Variants in GSE1 observed in about 807,000 individuals in gnomAD.
GSE1 encodes genetic suppressor element 1.
Under a neutral mutation model 112.6 loss-of-function variants are expected in GSE1, and 32 were observed. The ratio of observed to expected loss-of-function variants is 0.28; its 90% CI spans 0.21 to 0.38. The LOEUF (loss-of-function observed/expected upper bound fraction) is 0.38, where lower values mean the gene tolerates loss of function less well. Ranked by LOEUF, GSE1 falls within the 10% of genes least tolerant of loss-of-function variation. The pLI is 1.00. For synonymous variants in GSE1, 1,115 were observed against 735.6 expected (o/e 1.52, Z -8.35); for missense variants, 2,348 against 1,699.2 (o/e 1.38, Z -6.71).
At chr16:85,335,605 C>T (rs1171294197) in intron 1 of GSE1, among the ~76,000 whole-genome samples, 3 of 152,154 alleles carry the variant, frequency 2.0e-5, no homozygotes, top group South Asian at 2.1e-4. Context: ...GGCCGTGCAC[C>T]GCAAAAGGTG....
intron 2 of GSE1, among the ~76,000 whole-genome samples, chr16:85,425,967 T>C (rs1336568248): frequency 8.5e-5 from 13 of 152,104 alleles, no homozygotes; most frequent in Admixed American, 8.5e-4. Context: ...ATTCAAACTT[T>C]AGACAGTCAT....
At chr16:85,422,830 A>C (rs1020673873) in intron 2 of GSE1, among the ~76,000 whole-genome samples, 2 of 152,104 alleles carry the variant, frequency 1.3e-5, no homozygotes, top group Admixed American at 6.5e-5. Context: ...CATTGGAGGA[A>C]GGGCGGCTGA....
In GSE1 at chr16:85,561,148, T is replaced by C. The variant is rs1598186601; in HGVS notation, c.37+4785T>C. Among the ~76,000 whole-genome samples, 5 of 152,030 alleles carry C rather than the reference T, an allele frequency of 3.3e-5. No homozygotes were observed. The South Asian group carries it at 1.0e-3, about 32-fold the overall frequency. ...TTGTCTCAAAAAAAAAAAAAAATTA[T>C]TCATGAGGAAGAGGCAGTGGCTGCT... On this transcript the variant is annotated intron_variant, in intron 1 of 2. Transcript: ENST00000635906.
At chr16:85,478,843 CTT>C (rs1476213146) in intron 2 of GSE1, among the ~76,000 whole-genome samples, 61 of 4,180 alleles carry the variant, frequency 0.015, 2 homozygotes, top group African/African-American at 0.02. Context: ...CATTTATTTT[CTT>C]TCTTTCTTTC....
intron 1 of GSE1, among the ~76,000 whole-genome samples, chr16:85,233,725 G>A (rs1443434292): frequency 6.6e-6 from 1 of 152,164 alleles, no homozygotes; most frequent in Non-Finnish European, 1.5e-5. Flanking sequence ...ATGATTAATG[G>A]TTTTTGGAAG....
intron 2 of GSE1, among the ~76,000 whole-genome samples, chr16:85,418,675 G>T (rs117124487): frequency 8.2e-4 from 125 of 152,276 alleles, no homozygotes; most frequent in Non-Finnish European, 1.3e-3. Flanking sequence ...AAAGGAGAGA[G>T]AGTCCTTCCA....
intron 2 of GSE1, among the ~76,000 whole-genome samples, chr16:85,460,748 T>C (rs2049946837): frequency 7.0e-6 from 1 of 142,950 alleles, no homozygotes; most frequent in Non-Finnish European, 1.5e-5. Context: ...TCTTGCACTT[T>C]AAGGAGGTTG....
rs141625753 is a variant in GSE1, at chr16:85,476,077, C to T, written c.2464+118434C>T. On this transcript the variant is annotated intron_variant, in intron 2 of 2. Transcript: ENST00000637419. The stretch of plus-strand genomic sequence containing the variant: ...TCCCCAGGAGCCGGGACGACAGTTG[C>T]GTGCCACCACGCCCAGCTAATTTTT... Among the ~76,000 whole-genome samples, 229 of 152,194 alleles carry T rather than the reference C, an allele frequency of 1.5e-3. 1 individual carries two copies. Among genetic ancestry groups the T allele is most frequent in the African/African-American group, 5.2e-3 (216 of 41,534 alleles).
intron 1 of GSE1, among the ~76,000 whole-genome samples, chr16:85,203,480 A>T (rs370572108): frequency 6.6e-6 from 1 of 152,096 alleles, no homozygotes. Context: ...GGTTGGATGG[A>T]GGGAGACCCT....
chr16:85,646,764 C>T (rs1014121617), intron 2 of GSE1, among the ~76,000 whole-genome samples: 8 of 152,114 alleles, frequency 5.3e-5, no homozygotes, highest in Non-Finnish European at 1.5e-5. Context: ...TGGGCTTCGT[C>T]AGGCTGGGCA....
chr16:85,411,180 C>T (rs1158329011), intron 2 of GSE1, among the ~76,000 whole-genome samples: 28 of 108,552 alleles, frequency 2.6e-4, no homozygotes, highest in African/African-American at 1.0e-3. Flanking sequence ...CACTCAGGCC[C>T]CCCGGATAAT....
intron 1 of GSE1, among the ~76,000 whole-genome samples, chr16:85,624,252 C>T (rs2048923233): frequency 6.6e-6 from 1 of 152,212 alleles, no homozygotes; most frequent in Admixed American, 6.5e-5. Flanking sequence ...TGGACCTCAT[C>T]CGTTCCTCTG....
At chr16:85,353,251 T>A (rs374707525) in intron 1 of GSE1, among the ~76,000 whole-genome samples, 2 of 152,176 alleles carry the variant, frequency 1.3e-5, no homozygotes, top group African/African-American at 4.8e-5. Context: ...CCACACTCAC[T>A]TGGGTTGTTG....
At chr16:85,313,321 G>A (rs574051026) in intron 1 of GSE1, among the ~76,000 whole-genome samples, 7 of 152,160 alleles carry the variant, frequency 4.6e-5, no homozygotes, top group African/African-American at 1.2e-4. Context: ...CAAGGTCCTC[G>A]AGACACCTGG....
At chr16:85,602,138 G>C (rs933255776) in intron 1 of GSE1, among the ~76,000 whole-genome samples, 1 of 152,168 alleles carries the variant, frequency 6.6e-6, no homozygotes, top group African/African-American at 2.4e-5. Context: ...GCAGAAGGCC[G>C]GGCACAGTAG....
Position 85,311,330 on chromosome 16 carries a change from G to T in GSE1, c.2284-46133G>T, listed in dbSNP as rs1271291082. On this transcript the variant is annotated intron_variant, in intron 1 of 2. Transcript: ENST00000637419. This position sits in a 1 kb window ranked among gnomAD's most constrained non-coding sequence, Gnocchi z 4.2. Reference sequence around the variant, plus strand: ...CCTGGACAGGGTGGGCGTCGTTAGAGCAGAAACGGTGGTGGCAGGACCCAA... The same window carrying T: ...CCTGGACAGGGTGGGCGTCGTTAGATCAGAAACGGTGGTGGCAGGACCCAA... 2.0e-5 allele frequency among the ~76,000 whole-genome samples: 3 copies of T among 152,232 alleles called. No individual in the cohort carries two copies.
chr16:85,658,320 C>T (rs979622595), intron 8 of GSE1, among the ~76,000 whole-genome samples: 7 of 152,186 alleles, frequency 4.6e-5, no homozygotes, highest in African/African-American at 1.7e-4. Flanking sequence ...GACCTGCCAG[C>T]CTTCCATAGC....
intron 2 of GSE1, among the ~76,000 whole-genome samples, chr16:85,643,691 C>A (rs1170275225): frequency 6.6e-6 from 1 of 152,140 alleles, no homozygotes; most frequent in Admixed American, 6.5e-5. Context: ...AAGGTTCTCC[C>A]CATTTGTAGA....
intron 2 of GSE1, among the ~76,000 whole-genome samples, chr16:85,534,640 C>T (rs1000812982): frequency 6.6e-5 from 10 of 152,176 alleles, no homozygotes; most frequent in African/African-American, 2.2e-4. Flanking sequence ...ACTCCTGGGT[C>T]GTGTCCGCCT....
Sources: allele counts gnomAD v4.1 joint callset (sites outside exome capture counted in the v4.1 genomes callset), GRCh38; gene constraint gnomAD v4.1.1; non-coding constraint Gnocchi (gnomAD v3.1); transcripts MANE v1.5; gene names NCBI Gene and HGNC (gene_info 2026-07-23, HGNC 2026-07-21).